Variants in MBNL2 observed in about 807,000 individuals in gnomAD.
MBNL2 encodes muscleblind like splicing regulator 2.
MBNL2 carries 17 observed loss-of-function variants against 41.9 expected under a neutral mutation model. That is an observed-to-expected ratio of 0.41 (90% CI 0.28 to 0.61). The LOEUF (loss-of-function observed/expected upper bound fraction) is 0.61. Ranked by LOEUF, MBNL2 falls within the 20% of genes least tolerant of loss-of-function variation. The pLI, the probability that MBNL2 is intolerant of heterozygous loss-of-function variation, is 0.35. For missense variants in MBNL2, 336 were observed against 505.6 expected (o/e 0.66, Z 3.22); for synonymous variants, 195 against 182.9 (o/e 1.07, Z -0.53).
intron 8 of MBNL2, among the ~76,000 whole-genome samples, chr13:97,367,717 G>A (rs2063974437): frequency 6.6e-6 from 1 of 152,154 alleles, no homozygotes; most frequent in Non-Finnish European, 1.5e-5. Flanking sequence ...CAGAGCAGGA[G>A]AGAGCAGAGA....
chr13:97,290,479 AT>A (rs2055645387), intron 2 of MBNL2, among the ~76,000 whole-genome samples: 1 of 151,936 alleles, frequency 6.6e-6, no homozygotes. Context: ...GATCAAGACC[AT>A]CCTGGCTAAC....
intron 2 of MBNL2, among the ~76,000 whole-genome samples, chr13:97,304,447 T>A: frequency 6.6e-6 from 1 of 152,376 alleles, no homozygotes; most frequent in East Asian, 1.9e-4. Flanking sequence ...TTTTTATTTT[T>A]AATTTAATGA....
At chr13:97,258,938 T>C (rs900031916) in intron 1 of MBNL2, among the ~76,000 whole-genome samples, 1 of 152,188 alleles carries the variant, frequency 6.6e-6, no homozygotes, top group Non-Finnish European at 1.5e-5. Flanking sequence ...GAAGGCCTGC[T>C]CTCTCTGGCC....
chr13:97,357,425 C>T (rs2063086504), intron 6 of MBNL2, 57 bp from the exon 7 acceptor site: 4 of 1,415,616 alleles, frequency 2.8e-6, no homozygotes, highest in Non-Finnish European at 4.0e-6. Flanking sequence ...TCTCTGTGAA[C>T]ATGGAAGGTG....
In MBNL2 at chr13:97,301,838, G is replaced by A. The variant is rs187321286; in HGVS notation, c.174+25429G>A. On this transcript the variant is annotated intron_variant, in intron 2 of 8. Coordinates refer to ENST00000679496, the MANE Select transcript of MBNL2 (RefSeq NM_001382683.1). Reference sequence around the variant, plus strand: ...AAGAGTCCTACAACCTTCCTGTTTCGTGAGCATCAGTTGCTCTGGGTGACT... The same window carrying A: ...AAGAGTCCTACAACCTTCCTGTTTCATGAGCATCAGTTGCTCTGGGTGACT... 1.1e-4 allele frequency among the ~76,000 whole-genome samples: 16 copies of A among 152,264 alleles called. No homozygotes were observed. In the South Asian group the frequency reaches 2.5e-3, roughly 24 times the overall value.
rs542022896 is a variant in MBNL2 at position 97,296,639 on chromosome 13, G to A, written c.174+20230G>A. Among the ~76,000 whole-genome samples the A allele has an allele frequency of 3.9e-5, 6 of 152,164 alleles. No homozygotes were observed. In the East Asian group the frequency reaches 5.8e-4, roughly 15 times the overall value. ...AATAGATAGTAAAGAGGATGCTGTC[G>A]ATTTTTCTTTACCATTTAAATTTGA... On this transcript the variant is annotated intron_variant, in intron 2 of 8. Transcript: ENST00000679496.
At chr13:97,249,480 G>A (rs550785923) in intron 1 of MBNL2, among the ~76,000 whole-genome samples, 1 of 152,234 alleles carries the variant, frequency 6.6e-6, no homozygotes, top group South Asian at 2.1e-4. Flanking sequence ...GGTAAACACT[G>A]GAGCCTGACA....
chr13:97,333,626 A>G (rs2060605389), intron 2 of MBNL2, among the ~76,000 whole-genome samples: 1 of 152,206 alleles, frequency 6.6e-6, no homozygotes, highest in African/African-American at 2.4e-5. Context: ...CCACCCCTGC[A>G]CACTATTGCC....
intron 2 of MBNL2, among the ~76,000 whole-genome samples, chr13:97,287,494 T>TATCA (rs934801028): frequency 1.6e-4 from 24 of 152,134 alleles, no homozygotes; most frequent in Non-Finnish European, 2.6e-4. Context: ...ATCAAACATT[T>TATCA]ATCATTTCTT....
intron 8 of MBNL2, among the ~76,000 whole-genome samples, chr13:97,373,605 A>AATATATATATATATATAT (rs35049420): frequency 3.7e-4 from 54 of 145,384 alleles, no homozygotes; most frequent in African/African-American, 1.3e-3. Flanking sequence ...GTATGCTAAA[A>AATATATATATATATATAT]ATATATATAT....
At chr13:97,328,281 A>G (rs897085573) in intron 2 of MBNL2, among the ~76,000 whole-genome samples, 68 of 146,470 alleles carry the variant, frequency 4.6e-4, no homozygotes, top group African/African-American at 1.7e-3. Flanking sequence ...TGACCTCGGG[A>G]TTTCACCAAG....
intron 1 of MBNL2, among the ~76,000 whole-genome samples, chr13:97,241,737 C>G (rs538772434): frequency 3.9e-5 from 6 of 152,288 alleles, no homozygotes; most frequent in Non-Finnish European, 8.8e-5. Flanking sequence ...ATTGGAGAAC[C>G]CTGAGACCAA....
chr13:97,352,065 A>AAATAAATAAATAAAT (rs1566435699), intron 5 of MBNL2, among the ~76,000 whole-genome samples: 6 of 145,490 alleles, frequency 4.1e-5, no homozygotes, highest in African/African-American at 1.3e-4. Flanking sequence ...AATAAATAAT[A>AAATAAATAAATAAAT]AATAAATAAA....
intron 1 of MBNL2, among the ~76,000 whole-genome samples, chr13:97,269,292 G>A (rs968425271): frequency 6.6e-6 from 1 of 152,220 alleles, no homozygotes; most frequent in Non-Finnish European, 1.5e-5. Context: ...CAGAGACCCT[G>A]TTCCCAGTGC....
At chr13:97,168,579 G>A in the MBNL2 span, among the ~76,000 whole-genome samples, 6 of 152,282 alleles carry the variant, frequency 3.9e-5, no homozygotes, top group African/African-American at 1.4e-4. Context: ...AACCAGCCAT[G>A]AGAGTCTGGA....
intron 2 of MBNL2, among the ~76,000 whole-genome samples, chr13:97,330,990 A>G (rs1008611089): frequency 2.0e-5 from 3 of 152,216 alleles, no homozygotes; most frequent in African/African-American, 7.2e-5. Context: ...AATACCCTGT[A>G]GAGTTGAAAA....
chr13:97,373,626 T>A (rs950365587), intron 8 of MBNL2, among the ~76,000 whole-genome samples: 7 of 107,634 alleles, frequency 6.5e-5, no homozygotes, highest in Non-Finnish European at 1.2e-4. Flanking sequence ...ATATATATAT[T>A]AAGGGTAGGA....
chr13:97,287,929 GTTTTGTTTTGTT>G (rs1566393619), intron 2 of MBNL2, among the ~76,000 whole-genome samples: 1 of 72,628 alleles, frequency 1.4e-5, no homozygotes, highest in East Asian at 4.2e-4. Context: ...TTTTTTTTTT[GTTTTGTTTTGTT>G]TTTTTTTTTT....
chr13:97,383,368 C>CT (rs1269196791), intron 8 of MBNL2, among the ~76,000 whole-genome samples: 2 of 152,192 alleles, frequency 1.3e-5, no homozygotes, highest in Non-Finnish European at 2.9e-5. Context: ...TCCAGATACT[C>CT]TAAGTTGTCA....
Sources: allele counts gnomAD v4.1 joint callset (sites outside exome capture counted in the v4.1 genomes callset), GRCh38; gene constraint gnomAD v4.1.1; transcripts MANE v1.5; gene names NCBI Gene and HGNC (gene_info 2026-07-23, HGNC 2026-07-21).